The following KCNH7 variants were observed in gnomAD, a reference collection of about 807,000 sequenced individuals.
KCNH7 encodes the protein potassium voltage-gated channel subfamily H member 7.
A neutral mutation model predicts 120.8 loss-of-function variants in KCNH7; 49 were observed. The observed-to-expected ratio is 0.41, with a 90% CI of 0.32 to 0.51. The LOEUF is 0.51. Among genes scored for constraint, KCNH7 ranks in the 20% least tolerant of loss-of-function variants. The pLI is 0.38. For missense variants in KCNH7, 1,097 were observed against 1,446.6 expected (o/e 0.76, Z 3.92); for synonymous variants, 547 against 516.1 (o/e 1.06, Z -0.81).
At chr2:162,566,059 A>G (rs924879818) in intron 2 of KCNH7, among the ~76,000 whole-genome samples, 2 of 152,038 alleles carry the variant, frequency 1.3e-5, no homozygotes, top group East Asian at 1.9e-4. Context: ...TCTGGGAACC[A>G]TGACCTGCCA....
chr2:162,412,599 A>G (rs935855095), intron 9 of KCNH7, among the ~76,000 whole-genome samples: 8 of 152,180 alleles, frequency 5.3e-5, no homozygotes, highest in Non-Finnish European at 1.2e-4. Context: ...CAGTAAGGGC[A>G]CTTATTAGTG....
chr2:162,792,191 T>G (rs77367048), intron 2 of KCNH7, among the ~76,000 whole-genome samples: 1 of 152,106 alleles, frequency 6.6e-6, no homozygotes, highest in Non-Finnish European at 1.5e-5. Flanking sequence ...TTTGCCAGTA[T>G]TTTGTTGAGG....
chr2:162,721,172 A>G (rs951006171), intron 2 of KCNH7, among the ~76,000 whole-genome samples: 2 of 152,198 alleles, frequency 1.3e-5, no homozygotes, highest in East Asian at 1.9e-4. Context: ...AGCATAGATG[A>G]TAGTAAAATT....
chr2:162,623,914 C>A (rs772632458), intron 2 of KCNH7, among the ~76,000 whole-genome samples: 10 of 152,056 alleles, frequency 6.6e-5, no homozygotes, highest in African/African-American at 2.4e-4. Context: ...TGCAGTTAAC[C>A]GCACTCTGAA....
chr2:162,387,971 C>A (rs1686623946), intron 12 of KCNH7, among the ~76,000 whole-genome samples: 1 of 151,730 alleles, frequency 6.6e-6, no homozygotes, highest in South Asian at 2.1e-4. Flanking sequence ...ATTTAAGGTG[C>A]TCTCTCAGCA....
intron 2 of KCNH7, among the ~76,000 whole-genome samples, chr2:162,818,915 A>C (rs2105586858): frequency 6.6e-6 from 1 of 152,304 alleles, no homozygotes; most frequent in African/African-American, 2.4e-5. Context: ...TGATGCTCAA[A>C]GTAGGACACA....
At chr2:162,457,818 T>C (rs1689018532) in intron 6 of KCNH7, among the ~76,000 whole-genome samples, 1 of 152,150 alleles carries the variant, frequency 6.6e-6, no homozygotes, top group South Asian at 2.1e-4. Flanking sequence ...ATGAATCAGA[T>C]AGATTATATA....
intron 5 of KCNH7, among the ~76,000 whole-genome samples, chr2:162,508,560 T>C (rs954886850): frequency 6.6e-6 from 1 of 151,526 alleles, no homozygotes; most frequent in African/African-American, 2.4e-5. Context: ...AGATGATCAG[T>C]GTTGGCTTAG....
intron 2 of KCNH7, among the ~76,000 whole-genome samples, chr2:162,622,887 G>A (rs554758248): frequency 1.3e-5 from 2 of 152,164 alleles, no homozygotes; most frequent in Non-Finnish European, 2.9e-5. Flanking sequence ...CCTGTTTCAT[G>A]AATTTTTGTG....
intron 2 of KCNH7, among the ~76,000 whole-genome samples, chr2:162,673,480 T>TC (rs142969076): frequency 0.044 from 6,755 of 152,138 alleles, 207 homozygotes; most frequent in Middle Eastern, 0.11. Flanking sequence ...TGCTTCTTAA[T>TC]CCCAGGGTCT....
At chr2:162,446,916 T>C (rs1209040506) in intron 6 of KCNH7, among the ~76,000 whole-genome samples, 2 of 152,124 alleles carry the variant, frequency 1.3e-5, no homozygotes, top group Non-Finnish European at 2.9e-5. Flanking sequence ...TACACCTTGA[T>C]AAATTAAACC....
chr2:162,379,766 A>C (rs1328108026), intron 14 of KCNH7, 87 bp downstream of exon 14: 8 of 1,263,294 alleles, frequency 6.3e-6, no homozygotes, highest in Non-Finnish European at 8.9e-6. Flanking sequence ...AGATCATGGC[A>C]AGGAGAATTT....
chr2:162,504,821 C>A (rs1305647689), intron 5 of KCNH7, among the ~76,000 whole-genome samples, 164 bp from the exon 6 acceptor site: 1 of 151,834 alleles, frequency 6.6e-6, no homozygotes, highest in African/African-American at 2.4e-5. Flanking sequence ...TCACCTTGGG[C>A]CACATGGAAT....
chr2:162,523,764 C>T (rs1347187323), intron 3 of KCNH7, among the ~76,000 whole-genome samples: 2 of 151,942 alleles, frequency 1.3e-5, no homozygotes, highest in African/African-American at 4.8e-5. Flanking sequence ...TCTCACAATA[C>T]AACTGCAAAT....
intron 12 of KCNH7, among the ~76,000 whole-genome samples, chr2:162,388,142 A>G (rs1686630950): frequency 1.3e-5 from 2 of 151,876 alleles, no homozygotes; most frequent in African/African-American, 2.4e-5. Flanking sequence ...GGGTATTGAA[A>G]GAGGCCTAGA....
intron 2 of KCNH7, among the ~76,000 whole-genome samples, chr2:162,761,548 C>T (rs1285157157): frequency 6.6e-6 from 1 of 152,076 alleles, no homozygotes; most frequent in Non-Finnish European, 1.5e-5. Context: ...TTATTAAGTT[C>T]AGACATTCTA....
intron 2 of KCNH7, among the ~76,000 whole-genome samples, chr2:162,667,939 AT>A (rs1685202559): frequency 6.6e-6 from 1 of 152,194 alleles, no homozygotes; most frequent in Non-Finnish European, 1.5e-5. Context: ...ATAAATATTT[AT>A]TGGATGATTA....
chr2:162,724,399 G>A (rs1026300231), intron 2 of KCNH7, among the ~76,000 whole-genome samples: 9 of 152,222 alleles, frequency 5.9e-5, no homozygotes, highest in East Asian at 1.9e-4. Flanking sequence ...TAGGCCGGGC[G>A]CGGTGGCTCA....
At chr2:162,825,651 A>G (rs1685255484) in intron 2 of KCNH7, among the ~76,000 whole-genome samples, 1 of 152,108 alleles carries the variant, frequency 6.6e-6, no homozygotes. Context: ...CAACAGTAAA[A>G]AGTTAGAAAT....
Sources: allele counts gnomAD v4.1 joint callset (sites outside exome capture counted in the v4.1 genomes callset), GRCh38; gene constraint gnomAD v4.1.1; transcripts MANE v1.5; gene names NCBI Gene and HGNC (gene_info 2026-07-23, HGNC 2026-07-21).